Variants in KIAA1217 observed in about 807,000 individuals in gnomAD.
The protein encoded by KIAA1217 is KIAA1217, also known as sickle tail protein homolog.
Under a neutral mutation model 163.9 loss-of-function variants are expected in KIAA1217, and 88 were observed. That is an observed-to-expected ratio of 0.54 (90% CI 0.45 to 0.64). KIAA1217 has a LOEUF of 0.64. Among genes scored for constraint, KIAA1217 ranks in the 30% least tolerant of loss-of-function variants. The probability of loss-of-function intolerance (pLI) is 0.00; values close to 1 mark genes in which losing one functional copy is unlikely to be tolerated. For synonymous variants in KIAA1217, 903 were observed against 923.1 expected, an observed-to-expected ratio of 0.98 and a Z score of 0.39; for missense variants, 2,372 against 2,475.0, an observed-to-expected ratio of 0.96 and a Z score of 0.88.
chr10:23,860,075 T>C (rs1346282316), intron 1 of KIAA1217, among the ~76,000 whole-genome samples: 2 of 152,162 alleles, frequency 1.3e-5, no homozygotes, highest in African/African-American at 4.8e-5. Context: ...GTGCCCAAGC[T>C]AGTCCTGCCC....
chr10:24,095,975 G>T (rs2062144261), intron 2 of KIAA1217, among the ~76,000 whole-genome samples: 1 of 152,142 alleles, frequency 6.6e-6, no homozygotes. Flanking sequence ...AGGCATGGTG[G>T]TATGCACCTG....
intron 1 of KIAA1217, among the ~76,000 whole-genome samples, chr10:23,783,963 A>G (rs1835371210): frequency 6.6e-6 from 1 of 151,266 alleles, no homozygotes. Flanking sequence ...TTCTTAGGCT[A>G]AGGTTTTGTC....
chr10:24,202,114 C>T (rs1483370290), intron 2 of KIAA1217, among the ~76,000 whole-genome samples: 3 of 152,184 alleles, frequency 2.0e-5, no homozygotes, highest in East Asian at 1.9e-4. Context: ...ATTTGCACTG[C>T]GCCTTTCATT....
Position 24,172,253 on chromosome 10 carries a change from A to G in KIAA1217, c.-170-47373A>G, listed in dbSNP as rs370784697. Among the ~76,000 whole-genome samples, 49 of 152,346 alleles carry G rather than the reference A, an allele frequency of 3.2e-4. 1 individual carries two copies. The South Asian group carries it at 9.5e-3, about 30-fold the overall frequency. ...TGGTGGAAAAGGAGAAGAGATTTAC[A>G]GGAAACGCTGTCAAATAATTTGTCA... On this transcript the variant is annotated intron_variant, in intron 2 of 18. Transcript: ENST00000376462.
chr10:24,277,568 G>A (rs12218530), intron 2 of KIAA1217, among the ~76,000 whole-genome samples: 12 of 152,058 alleles, frequency 7.9e-5, no homozygotes, highest in African/African-American at 2.7e-4. Context: ...TCATGGGGGC[G>A]GTTTTCCCCA....
chr10:23,934,899 G>A (rs917511857), intron 1 of KIAA1217, among the ~76,000 whole-genome samples: 1 of 151,754 alleles, frequency 6.6e-6, no homozygotes, highest in Non-Finnish European at 1.5e-5. Context: ...TTACAGGCAT[G>A]AGCCACCGCG....
intron 1 of KIAA1217, among the ~76,000 whole-genome samples, chr10:23,949,712 A>T (rs1844241160): frequency 6.6e-6 from 1 of 152,186 alleles, no homozygotes; most frequent in Non-Finnish European, 1.5e-5. Context: ...TGTGAATGAA[A>T]TTTTTTATTT....
At chr10:24,077,796 A>G (rs1377515069) in intron 2 of KIAA1217, among the ~76,000 whole-genome samples, 1 of 152,210 alleles carries the variant, frequency 6.6e-6, no homozygotes, top group Non-Finnish European at 1.5e-5. Context: ...GATAATTGAT[A>G]TTCCCATCAA....
intron 1 of KIAA1217, among the ~76,000 whole-genome samples, chr10:23,864,695 C>T (rs1429399857): frequency 1.3e-5 from 2 of 151,942 alleles, no homozygotes; most frequent in East Asian, 3.9e-4. Flanking sequence ...ATGTATTAGT[C>T]AGGGTTCTCC....
intron 2 of KIAA1217, among the ~76,000 whole-genome samples, chr10:24,181,336 G>A (rs897508557): frequency 1.7e-4 from 26 of 152,292 alleles, no homozygotes; most frequent in Non-Finnish European, 3.2e-4. Flanking sequence ...TGAAGTGAGA[G>A]GGGGAAGGAT....
intron 1 of KIAA1217, among the ~76,000 whole-genome samples, chr10:23,995,902 C>T (rs555198363): frequency 6.6e-6 from 1 of 152,278 alleles, no homozygotes; most frequent in African/African-American, 2.4e-5. Flanking sequence ...CCAGTCTATT[C>T]TTGACTTTGG....
At chr10:24,485,089 CT>C (rs71506835) in intron 6 of KIAA1217, among the ~76,000 whole-genome samples, 15,283 of 140,764 alleles carry the variant, frequency 0.11, 946 homozygotes, top group Non-Finnish European at 0.15. Flanking sequence ...GACCTGCCCG[CT>C]TTTTTTTTTT....
intron 1 of KIAA1217, among the ~76,000 whole-genome samples, chr10:23,820,433 A>T (rs150485787): frequency 5.2e-4 from 79 of 152,350 alleles, no homozygotes; most frequent in African/African-American, 1.9e-3. Flanking sequence ...AATTAACATT[A>T]ACTGTGCTTC....
At chr10:24,516,716 A>G (rs1205601389) in intron 10 of KIAA1217, among the ~76,000 whole-genome samples, 1 of 152,230 alleles carries the variant, frequency 6.6e-6, no homozygotes, top group Non-Finnish European at 1.5e-5. Flanking sequence ...CTAGGAGACC[A>G]TATGGGAAGC....
chr10:24,524,240 G>T (rs2071751151), intron 12 of KIAA1217, 83 bp from the exon 13 acceptor site: 1 of 1,428,786 alleles, frequency 7.0e-7, no homozygotes, highest in African/African-American at 1.4e-5. Context: ...CTCTCACCTG[G>T]CTTTGGGATG....
chr10:24,318,263 T>C (rs995613277), intron 2 of KIAA1217, among the ~76,000 whole-genome samples: 1 of 151,968 alleles, frequency 6.6e-6, no homozygotes, highest in Non-Finnish European at 1.5e-5. Flanking sequence ...GATGAATAGG[T>C]AGGTAGATAG....
chr10:23,837,068 A>G (rs944972194), intron 1 of KIAA1217, among the ~76,000 whole-genome samples: 16 of 152,178 alleles, frequency 1.1e-4, no homozygotes, highest in African/African-American at 3.9e-4. Flanking sequence ...ATGTTCATGT[A>G]TGCACATTAT....
chr10:24,085,012 C>T (rs1037086649), intron 2 of KIAA1217, among the ~76,000 whole-genome samples: 1 of 148,260 alleles, frequency 6.7e-6, no homozygotes, highest in Non-Finnish European at 1.5e-5. Flanking sequence ...CTCCCGGGTT[C>T]ACGCCATTCT....
At chr10:24,065,642 T>C (rs1326934036) in intron 2 of KIAA1217, among the ~76,000 whole-genome samples, 1 of 152,236 alleles carries the variant, frequency 6.6e-6, no homozygotes, top group East Asian at 1.9e-4. Context: ...GAGAGTTCTG[T>C]AGATGTCTAT....
Sources: gnomAD v4.1 joint callset for allele counts (sites outside exome capture counted in the v4.1 genomes callset) on GRCh38, gnomAD v4.1.1 for gene constraint, MANE v1.5 for transcripts, NCBI Gene and HGNC (gene_info 2026-07-23, HGNC 2026-07-21) for gene names.